The following MAG variants were observed in gnomAD, a reference collection of about 807,000 sequenced individuals.
MAG encodes myelin associated glycoprotein, also known as myelin-associated glycoprotein.
MAG carries 30 observed loss-of-function variants against 60.7 expected under a neutral mutation model. The ratio of observed to expected loss-of-function variants is 0.49; its 90% CI spans 0.37 to 0.67. MAG has a LOEUF of 0.67. Among genes scored for constraint, MAG ranks in the 30% least tolerant of loss-of-function variants. The pLI, the probability that MAG is intolerant of heterozygous loss-of-function variation, is 0.00. For synonymous variants in MAG, 384 were observed against 376.8 expected (o/e 1.02, Z -0.22); for missense variants, 795 against 851.7 (o/e 0.93, Z 0.83).
intron 4 of MAG, among the ~76,000 whole-genome samples, chr19:35,298,800 C>CCA (rs1599649701): frequency 6.6e-6 from 1 of 150,510 alleles, no homozygotes; most frequent in Admixed American, 6.6e-5. Flanking sequence ...ACACAACACC[C>CCA]CACACACACT....
chr19:35,292,768 C>T (rs1008698365), intron 1 of MAG, among the ~76,000 whole-genome samples: 1 of 145,956 alleles, frequency 6.9e-6, no homozygotes, highest in Admixed American at 6.9e-5. Context: ...TTTTTCGTTA[C>T]TTTTTTTTTT....
chr19:35,298,285 A>G (rs1182843531), intron 4 of MAG, among the ~76,000 whole-genome samples: 2 of 145,828 alleles, frequency 1.4e-5, no homozygotes, highest in Admixed American at 6.8e-5. Context: ...CACTACAAAA[A>G]CCACACACTG....
At chr19:35,303,520 T>G (rs1167680652) in intron 7 of MAG, among the ~76,000 whole-genome samples, 1 of 152,194 alleles carries the variant, frequency 6.6e-6, no homozygotes, top group Non-Finnish European at 1.5e-5. Flanking sequence ...CCAGGCAGTC[T>G]GGTTCCATTC....
Position 35,299,846 on chromosome 19 carries a change from C to G in MAG, c.708C>G (p.Val236=). ...TCGAGGGCTACGCCAGCATGGACGT[C>G]AAGTGTGAGCCTGGGTGCGGGCGGG... is the stretch of plus-strand genomic sequence containing the variant. ...LQFEGYASMD[V]KYPPVIVEMN... Residue 236 remains valine, a synonymous_variant, in exon 5 of 11, where the codon GTC becomes GTG. Coordinates refer to ENST00000392213, the MANE Select transcript of MAG (RefSeq NM_002361.4). 1 of 1,268,666 alleles carries G rather than the reference C, an allele frequency of 7.9e-7. No homozygotes were observed. Among genetic ancestry groups the G allele is most frequent in the South Asian group, 1.4e-5 (1 of 71,812 alleles). The allele number at this position is 1,268,666 out of a possible 1,614,324, so 78.6% of individuals were successfully genotyped here.
chr19:35,304,168 A>T (rs1230865590), intron 7 of MAG, among the ~76,000 whole-genome samples: 1 of 152,130 alleles, frequency 6.6e-6, no homozygotes, highest in Admixed American at 6.6e-5. Flanking sequence ...TCTCCTGCTG[A>T]CCTATAATCT....
Position 35,295,841 on chromosome 19 carries a change from T to C in MAG, c.275T>C (p.Leu92Pro), listed in dbSNP as rs1284919999. 6.2e-7 allele frequency: 1 copy of C among 1,613,994 alleles called. No individual in the cohort carries two copies. Among genetic ancestry groups the C allele is most frequent in the South Asian group, 1.1e-5 (1 of 91,078 alleles). The change falls in exon 4 of 11, where the codon CTG (leucine) becomes CCG (proline). Residue 92 changes from leucine (L) to proline (P), a missense_variant. By Grantham distance (98) the Leu-to-Pro change is moderately conservative. Transcript: ENST00000392213. The surrounding 1 kb of genome is among the most constrained non-coding windows in gnomAD (Gnocchi z 5.8). The stretch of plus-strand genomic sequence containing the variant: ...AGCTTCCAGGGCCGCAGCCGCCTCC[T>C]GGGGGACCTGGGCCTGCGAAACTGC... ...HESFQGRSRL[L>P]GDLGLRNCTL...
At chr19:35,304,689 C>T (rs1964199) in intron 7 of MAG, among the ~76,000 whole-genome samples, 15,099 of 151,982 alleles carry the variant, frequency 0.099, 804 homozygotes, top group East Asian at 0.17. Context: ...TACAGGCATG[C>T]GTCACCATGC....
chr19:35,311,814 G>C, intron 9 of MAG, 104 bp from the exon 10 acceptor site: 3 of 724,692 alleles, frequency 4.1e-6, no homozygotes, highest in Non-Finnish European at 7.3e-6. Flanking sequence ...CCACATCTTA[G>C]AGATGGGTGG....
chr19:35,294,731 C>T (rs1290675512), intron 2 of MAG, among the ~76,000 whole-genome samples: 1 of 152,064 alleles, frequency 6.6e-6, no homozygotes, highest in African/African-American at 2.4e-5. Flanking sequence ...GTCTGGGCAA[C>T]ACAGAACATG....
At chr19:35,300,551 C>A in intron 6 of MAG, 147 bp downstream of exon 6, 2 of 977,596 alleles carry the variant, frequency 2.0e-6, no homozygotes, top group Non-Finnish European at 2.8e-6. Flanking sequence ...GGTTGCAAGT[C>A]AAGGTGTACC....
At position 35,310,161 on chromosome 19, in the gene MAG, C is replaced by T. The variant is rs758810712; in HGVS notation, c.1519C>T (p.His507Tyr). 1 of 1,600,366 alleles carries T rather than the reference C, an allele frequency of 6.2e-7. No individual in the cohort carries two copies. The highest frequency in any genetic ancestry group is 8.5e-7 in the Non-Finnish European group (1 of 1,170,972). ...KSLELPFQGA[H>Y]RLMWAKIGPV... ...CCTGGAGCTGCCCTTCCAGGGAGCC[C>T]GTGAGTGGCGTGGACTTGGGGTGGG... The change falls in exon 8 of 11, where the codon CAT becomes TAT. Residue 507 changes from histidine (H) to tyrosine (Y), a missense_variant and splice_region_variant. Physicochemically the swap from His to Tyr is moderately conservative, Grantham distance 83. Coordinates refer to ENST00000392213, the MANE Select transcript of MAG (RefSeq NM_002361.4).
intron 7 of MAG, among the ~76,000 whole-genome samples, chr19:35,305,304 G>T (rs939509130): frequency 6.6e-6 from 1 of 152,182 alleles, no homozygotes; most frequent in Admixed American, 6.5e-5. Flanking sequence ...CCCTTGAGCA[G>T]GGCCTTCTGT....
In MAG at chr19:35,311,466, AAAAC is replaced by A. The variant is rs201413012; in HGVS notation, c.1617-442_1617-439del. Among the ~76,000 whole-genome samples the A allele has an allele frequency of 3.7e-3, 557 of 151,998 alleles. 4 individuals carry two copies. Among genetic ancestry groups the A allele is most frequent in the African/African-American group, 0.011 (460 of 41,536 alleles). ...GTGACAAAGAGAGACCCTGTCTCTA[AAAAC>A]AAACAAACAGACAGACAGACAGACA... On this transcript the variant is annotated intron_variant, in intron 9 of 10. Coordinates refer to ENST00000392213, the MANE Select transcript of MAG (RefSeq NM_002361.4).
At chr19:35,312,222 G>A in intron 10 of MAG, 1 of 1,514,372 alleles carries the variant, frequency 6.6e-7, no homozygotes, top group East Asian at 2.3e-5. Context: ...GGGACGTGGG[G>A]CCTAAGGGCC....
chr19:35,296,125 C>A, intron 4 of MAG, 144 bp downstream of exon 4: 2 of 1,129,682 alleles, frequency 1.8e-6, no homozygotes, highest in Non-Finnish European at 2.5e-6. Flanking sequence ...GTGCAAACCT[C>A]AAGGCCCACG....
chr19:35,302,150 A>G (rs2066453143), intron 6 of MAG, among the ~76,000 whole-genome samples: 3 of 152,258 alleles, frequency 2.0e-5, no homozygotes, highest in Middle Eastern at 6.8e-3. Flanking sequence ...GATCACCCCT[A>G]TGAGGTTGGA....
intron 5 of MAG, 117 bp from the exon 6 acceptor site, chr19:35,300,030 C>A: frequency 2.0e-6 from 1 of 498,548 alleles, no homozygotes; most frequent in Non-Finnish European, 2.4e-6. Context: ...AGTCCTGGGG[C>A]GGGGCCAAGG....
chr19:35,302,539 C>G lies in MAG; in HGVS notation c.1062C>G (p.Asp354Glu), dbSNP rs1210538890. The change falls in exon 7 of 11, where the codon GAC becomes GAG. Residue 354 changes from aspartate to glutamate, a missense_variant. Transcript: ENST00000392213. The part of the protein sequence containing the change: ...SILCSTQSNP[D>E]PILTIFKEKQ... Reference sequence around the variant, plus strand: ...TGTGCTCCACACAGAGCAACCCGGACCCTATTCTCACCATCTTCAAGGAGA... The same window carrying G: ...TGTGCTCCACACAGAGCAACCCGGAGCCTATTCTCACCATCTTCAAGGAGA... 3.7e-6 allele frequency: 6 copies of G among 1,614,192 alleles called. No homozygotes were observed. The highest frequency in any genetic ancestry group is 5.1e-6 in the Non-Finnish European group (6 of 1,180,044).
intron 1 of MAG, 57 bp from the exon 2 acceptor site, chr19:35,294,178 T>C (rs1457897727): frequency 1.2e-4 from 44 of 381,034 alleles, no homozygotes. Flanking sequence ...GAAGCGGGGG[T>C]GGGTTGGGTG....
Sources: allele counts gnomAD v4.1 joint callset (sites outside exome capture counted in the v4.1 genomes callset), GRCh38; gene constraint gnomAD v4.1.1; non-coding constraint Gnocchi (gnomAD v3.1); transcripts MANE v1.5; gene names NCBI Gene and HGNC (gene_info 2026-07-23, HGNC 2026-07-21).